Variants in BUB1B observed in about 807,000 individuals in gnomAD.
BUB1B encodes the protein BUB1 mitotic checkpoint serine/threonine kinase B, also known as mitotic checkpoint serine/threonine-protein kinase BUB1 beta.
Under a neutral mutation model 137.7 loss-of-function variants are expected in BUB1B, and 86 were observed. The ratio of observed to expected loss-of-function variants is 0.62; its 90% CI spans 0.52 to 0.75. BUB1B has a LOEUF of 0.75. Ranked by LOEUF, BUB1B falls within the 30% of genes least tolerant of loss-of-function variation. BUB1B has a pLI of 0.00. For synonymous variants in BUB1B, 420 were observed against 417.9 expected (o/e 1.00, Z -0.06); for missense variants, 1,130 against 1,236.9 (o/e 0.91, Z 1.30).
At chr15:40,216,010 T>A (rs1390630698) in intron 20 of BUB1B, among the ~76,000 whole-genome samples, 1 of 152,142 alleles carries the variant, frequency 6.6e-6, no homozygotes, top group Non-Finnish European at 1.5e-5. Flanking sequence ...GAAAATGAGA[T>A]CCAAAAAAAT....
At chr15:40,169,033 T>TC (rs746316414) in intron 2 of BUB1B, among the ~76,000 whole-genome samples, 7 of 152,216 alleles carry the variant, frequency 4.6e-5, no homozygotes, top group Non-Finnish European at 1.0e-4. Flanking sequence ...GAGTATAAAT[T>TC]CCCATGTGTC....
chr15:40,161,608 G>T (rs1442996600), intron 1 of BUB1B, among the ~76,000 whole-genome samples: 1 of 152,234 alleles, frequency 6.6e-6, no homozygotes, highest in East Asian at 1.9e-4. Context: ...TGTTAATGCT[G>T]CCTTACGTGG....
intron 15 of BUB1B, among the ~76,000 whole-genome samples, chr15:40,206,943 G>A (rs2037645215): frequency 6.6e-6 from 1 of 152,094 alleles, no homozygotes; most frequent in South Asian, 2.1e-4. Context: ...CCAAGTAGCT[G>A]GGACTACAGG....
chr15:40,208,677 G>A lies in BUB1B; in HGVS notation c.2050G>A (p.Gly684Ser). Residue 684 changes from glycine (G) to serine (S), a missense_variant, in exon 16 of 23, where the codon GGC becomes AGC. Physicochemically the swap from Gly to Ser is moderately conservative, Grantham distance 56. Coordinates refer to ENST00000287598, the MANE Select transcript of BUB1B (RefSeq NM_001211.6). ...EDSREATHSS[G>S]FSGSSASVAS... is the part of the protein sequence containing the mutation. The stretch of plus-strand genomic sequence containing the variant: ...CAGTCGTGAAGCCACACACTCCTCT[G>A]GCTTCTCTGGTTCTTCTGCCTCGGT... The A allele has an allele frequency of 6.2e-7, 1 of 1,613,890 alleles. No homozygotes were observed. Among genetic ancestry groups the A allele is most frequent in the Non-Finnish European group, 8.5e-7 (1 of 1,179,854 alleles).
At chr15:40,172,582 G>A (rs140329706) in intron 4 of BUB1B, among the ~76,000 whole-genome samples, 119 of 152,242 alleles carry the variant, frequency 7.8e-4, no homozygotes, top group Non-Finnish European at 1.4e-3. Context: ...CTTCATCCTC[G>A]TCTTCACATT....
Position 40,183,826 on chromosome 15 carries a change from A to G in BUB1B, c.694A>G (p.Ser232Gly). ...ACGAAGCACACTAGCTGAACTAAAG[A>G]GCAAAGGGAAAAAGACAGCAAGAGC... is the stretch of plus-strand genomic sequence containing the variant. ...PQRSTLAELK[S>G]KGKKTARAPI... The change falls in exon 6 of 23, where the codon AGC becomes GGC. Residue 232 changes from serine (S) to glycine (G), a missense_variant. Physicochemically the swap from Ser to Gly is moderately conservative, Grantham distance 56 (BLOSUM62 0). Coordinates refer to ENST00000287598, the MANE Select transcript of BUB1B (RefSeq NM_001211.6). 1 of 1,614,162 alleles carries G rather than the reference A, an allele frequency of 6.2e-7. No homozygotes were observed. The highest frequency in any genetic ancestry group is 8.5e-7 in the Non-Finnish European group (1 of 1,179,996).
chr15:40,162,453 AC>A lies in BUB1B; in HGVS notation c.35+1199del, dbSNP rs1399754415. Among the ~76,000 whole-genome samples the A allele has an allele frequency of 1.3e-4, 20 of 152,358 alleles. 1 individual carries two copies. In the East Asian group the frequency reaches 3.5e-3, roughly 26 times the overall value. On this transcript the variant is annotated intron_variant, in intron 1 of 22. Coordinates refer to ENST00000287598, the MANE Select transcript of BUB1B (RefSeq NM_001211.6). Reference sequence around the variant, plus strand: ...TCACTTTGGCTGTAGTGTTGAATACACTAAAGGCAGCAAAGGATGGAAGCAA... The same window carrying A: ...TCACTTTGGCTGTAGTGTTGAATACATAAAGGCAGCAAAGGATGGAAGCAA...
intron 8 of BUB1B, among the ~76,000 whole-genome samples, chr15:40,188,222 A>G (rs2037392370): frequency 6.6e-6 from 1 of 151,902 alleles, no homozygotes; most frequent in South Asian, 2.1e-4. Flanking sequence ...TGATTTTTGT[A>G]TTTTTAGTAG....
At chr15:40,204,633 A>T (rs1314596988) in intron 14 of BUB1B, among the ~76,000 whole-genome samples, 2 of 151,238 alleles carry the variant, frequency 1.3e-5, no homozygotes, top group Non-Finnish European at 2.9e-5. Flanking sequence ...ATGTATATAT[A>T]TATTTTTTTC....
chr15:40,175,064 A>C (rs1251328522), intron 4 of BUB1B, among the ~76,000 whole-genome samples: 2 of 152,214 alleles, frequency 1.3e-5, no homozygotes, highest in East Asian at 3.8e-4. Flanking sequence ...ATTTTTGCGA[A>C]TTATTAAATT....
chr15:40,196,144 C>G (rs1275068100), intron 8 of BUB1B, among the ~76,000 whole-genome samples: 1 of 152,120 alleles, frequency 6.6e-6, no homozygotes, highest in Non-Finnish European at 1.5e-5. Flanking sequence ...TTTGATCCAC[C>G]TTGAGTTGAT....
chr15:40,205,325 T>TA (rs2140903577), intron 14 of BUB1B, among the ~76,000 whole-genome samples: 1 of 152,266 alleles, frequency 6.6e-6, no homozygotes, highest in South Asian at 2.1e-4. Context: ...AAATTCAAAG[T>TA]ATGTGTCAAA....
At chr15:40,183,619 T>C in intron 5 of BUB1B, 95 bp from the exon 6 acceptor site, 1 of 1,102,638 alleles carries the variant, frequency 9.1e-7, no homozygotes, top group Admixed American at 1.8e-5. Flanking sequence ...TCCCCCAGCC[T>C]GCTCTTCTAA....
chr15:40,200,314 G>C lies in BUB1B; in HGVS notation c.1472G>C (p.Gly491Ala), dbSNP rs760702620. ...QIASESQKIP[G>A]MTLSSSVCQV... ...GCTTCCGAGTCTCAGAAAATACCAG[G>C]AATGACTCTATCCAGTTCTGTTTGT... is the stretch of plus-strand genomic sequence containing the variant. The change falls in exon 11 of 23, where the codon GGA becomes GCA. Residue 491 changes from glycine to alanine, a missense_variant. Transcript: ENST00000287598. 1 of 1,613,940 alleles carries C rather than the reference G, an allele frequency of 6.2e-7. No homozygotes were observed. The highest frequency in any genetic ancestry group is 1.7e-4 in the Middle Eastern group (1 of 6,060).
chr15:40,168,529 A>C (rs1374575287), intron 2 of BUB1B, among the ~76,000 whole-genome samples: 1 of 152,122 alleles, frequency 6.6e-6, no homozygotes, highest in Non-Finnish European at 1.5e-5. Flanking sequence ...ATTATTTCAC[A>C]CTTTAATTGC....
intron 8 of BUB1B, among the ~76,000 whole-genome samples, chr15:40,194,677 A>G (rs1370412583): frequency 1.3e-5 from 2 of 152,204 alleles, no homozygotes; most frequent in African/African-American, 2.4e-5. Flanking sequence ...TGGTTGAGGT[A>G]TCTTATACTT....
intron 19 of BUB1B, 74 bp downstream of exon 19, chr15:40,212,722 G>T: frequency 7.2e-7 from 1 of 1,394,012 alleles, no homozygotes; most frequent in Middle Eastern, 2.5e-4. Context: ...AAGGAATTTA[G>T]TACAAAATTC....
chr15:40,208,183 A>T (rs2037661263), intron 15 of BUB1B, among the ~76,000 whole-genome samples: 1 of 152,158 alleles, frequency 6.6e-6, no homozygotes, highest in East Asian at 1.9e-4. Flanking sequence ...ACAAATTATA[A>T]ATTATTTAAA....
At chr15:40,174,503 G>C (rs2037202026) in intron 4 of BUB1B, among the ~76,000 whole-genome samples, 2 of 152,306 alleles carry the variant, frequency 1.3e-5, no homozygotes, top group Non-Finnish European at 1.5e-5. Flanking sequence ...CAAATATGAA[G>C]CCATTAATTG....
Sources: gnomAD v4.1 joint callset for allele counts (sites outside exome capture counted in the v4.1 genomes callset) on GRCh38, gnomAD v4.1.1 for gene constraint, MANE v1.5 for transcripts, NCBI Gene and HGNC (gene_info 2026-07-23, HGNC 2026-07-21) for gene names.